MAP2K1: variants seen among roughly 807,000 people sequenced by gnomAD.
MAP2K1 encodes dual specificity mitogen-activated protein kinase kinase 1.
Under a neutral mutation model 46.3 loss-of-function variants are expected in MAP2K1, and 16 were observed. The observed-to-expected ratio is 0.35, with a 90% confidence interval of 0.23 to 0.52. The LOEUF is 0.52. MAP2K1 is among the 20% of genes least tolerant of loss of function. The pLI is 0.94. For missense variants in MAP2K1, 263 were observed against 497.1 expected (o/e 0.53, Z 4.48); for synonymous variants, 183 against 185.6 (o/e 0.99, Z 0.11).
intron 4 of MAP2K1, 130 bp from the exon 5 acceptor site, chr15:66,444,526 T>A: frequency 1.4e-6 from 1 of 725,120 alleles, no homozygotes; most frequent in African/African-American, 1.8e-5. Flanking sequence ...AGAGTGAAAC[T>A]GCGTCTCAAA....
At chr15:66,405,986 A>G (rs757625273) in intron 1 of MAP2K1, among the ~76,000 whole-genome samples, 13 of 152,240 alleles carry the variant, frequency 8.5e-5, no homozygotes, top group Non-Finnish European at 1.8e-4. Flanking sequence ...GCAGCTGCCT[A>G]TTATTTGCCA....
intron 5 of MAP2K1, among the ~76,000 whole-genome samples, chr15:66,464,828 G>A (rs1015668605): frequency 1.3e-5 from 2 of 151,758 alleles, no homozygotes; most frequent in Admixed American, 1.3e-4. Flanking sequence ...GTGCCTGGCT[G>A]AAAACATTGT....
At chr15:66,475,823 C>A (rs546873116) in intron 5 of MAP2K1, among the ~76,000 whole-genome samples, 3 of 152,272 alleles carry the variant, frequency 2.0e-5, no homozygotes, top group South Asian at 2.1e-4. Context: ...GATTCTGTCT[C>A]CCCTGATGGT....
chr15:66,480,765 T>C (rs1425874425), intron 5 of MAP2K1, among the ~76,000 whole-genome samples: 1 of 152,150 alleles, frequency 6.6e-6, no homozygotes, highest in Non-Finnish European at 1.5e-5. Flanking sequence ...TGGTTTAGCA[T>C]GTTTCCTAGA....
intron 1 of MAP2K1, among the ~76,000 whole-genome samples, chr15:66,425,418 C>T (rs571899656): frequency 3.3e-5 from 5 of 152,248 alleles, no homozygotes; most frequent in Admixed American, 1.3e-4. Context: ...ACGCTAGCTG[C>T]TTGTGCAAAT....
chr15:66,471,086 C>T (rs754438684), intron 5 of MAP2K1, among the ~76,000 whole-genome samples: 5 of 152,086 alleles, frequency 3.3e-5, no homozygotes, highest in Non-Finnish European at 5.9e-5. Context: ...TCTCAGTGAG[C>T]GGAGGGATGG....
chr15:66,424,816 C>CTTTA (rs2093453202), intron 1 of MAP2K1, among the ~76,000 whole-genome samples: 1 of 123,878 alleles, frequency 8.1e-6, no homozygotes, highest in Non-Finnish European at 1.6e-5. Context: ...TTTTTTTTTG[C>CTTTA]GATGGAATTT....
intron 1 of MAP2K1, among the ~76,000 whole-genome samples, chr15:66,388,382 T>G (rs1258346691): frequency 6.6e-6 from 1 of 152,156 alleles, no homozygotes; most frequent in Non-Finnish European, 1.5e-5. Context: ...TTTGCCTTTT[T>G]TTGGTTGTTG....
At chr15:66,488,252 G>C (rs1164856768) in intron 8 of MAP2K1, among the ~76,000 whole-genome samples, 1 of 152,206 alleles carries the variant, frequency 6.6e-6, no homozygotes, top group African/African-American at 2.4e-5. Flanking sequence ...TCCCTCAGCA[G>C]TGGGGACAGT....
chr15:66,432,189 C>A (rs1378782585), intron 1 of MAP2K1, among the ~76,000 whole-genome samples: 1 of 152,180 alleles, frequency 6.6e-6, no homozygotes, highest in African/African-American at 2.4e-5. Flanking sequence ...ACGATTCCAT[C>A]TCCAGTCCTC....
At chr15:66,409,716 CAG>C (rs1202844937) in intron 1 of MAP2K1, among the ~76,000 whole-genome samples, 1 of 152,210 alleles carries the variant, frequency 6.6e-6, no homozygotes, top group Non-Finnish European at 1.5e-5. Context: ...CACTTGGGAA[CAG>C]AGTTTAATTT....
intron 2 of MAP2K1, 149 bp from the exon 3 acceptor site, chr15:66,436,597 T>G (rs2093488617): frequency 1.3e-6 from 1 of 780,874 alleles, no homozygotes; most frequent in Non-Finnish European, 2.2e-6. Context: ...GACACTCATT[T>G]CTTGGTTGAG....
At chr15:66,400,873 A>G (rs943124158) in intron 1 of MAP2K1, among the ~76,000 whole-genome samples, 2 of 152,186 alleles carry the variant, frequency 1.3e-5, no homozygotes, top group Non-Finnish European at 2.9e-5. Flanking sequence ...GAGAAAATGG[A>G]CAAGGTAGAA....
chr15:66,409,185 T>C (rs2093405421), intron 1 of MAP2K1, among the ~76,000 whole-genome samples: 1 of 152,090 alleles, frequency 6.6e-6, no homozygotes, highest in Non-Finnish European at 1.5e-5. Context: ...GCTTGATACA[T>C]GAGGAAACTG....
At chr15:66,457,945 A>G (rs535862739) in intron 5 of MAP2K1, among the ~76,000 whole-genome samples, 2 of 152,042 alleles carry the variant, frequency 1.3e-5, no homozygotes, top group South Asian at 4.2e-4. Context: ...CCTGGGTAAC[A>G]AGAGCAAGAC....
chr15:66,423,018 C>G (rs2093447399), intron 1 of MAP2K1, among the ~76,000 whole-genome samples: 2 of 151,836 alleles, frequency 1.3e-5, no homozygotes. Context: ...TCAAGCTGGT[C>G]TCAAACTCTG....
At chr15:66,420,756 T>C (rs1279732267) in intron 1 of MAP2K1, among the ~76,000 whole-genome samples, 2 of 49,126 alleles carry the variant, frequency 4.1e-5, no homozygotes, top group African/African-American at 1.1e-4. Context: ...TGTGTGTGTG[T>C]GTGTATGTGT....
intron 8 of MAP2K1, chr15:66,489,007 G>C: frequency 1.6e-6 from 1 of 618,964 alleles, no homozygotes; most frequent in Non-Finnish European, 2.9e-6. Context: ...TGCTATTTGA[G>C]ATCAGTGGTT....
intron 6 of MAP2K1, among the ~76,000 whole-genome samples, chr15:66,484,148 C>G (rs960750808): frequency 1.3e-5 from 2 of 151,556 alleles, no homozygotes; most frequent in South Asian, 2.1e-4. Context: ...CACCCCCCCC[C>G]ACCTTTTTTT....
Sources: gnomAD v4.1 joint callset for allele counts (sites outside exome capture counted in the v4.1 genomes callset) on GRCh38, gnomAD v4.1.1 for gene constraint, MANE v1.5 for transcripts, NCBI Gene and HGNC (gene_info 2026-07-23, HGNC 2026-07-21) for gene names.